The following EPB41L5 variants were observed in gnomAD, a reference collection of about 807,000 sequenced individuals.
EPB41L5 encodes the protein band 4.1-like protein 5.
A neutral mutation model predicts 106.6 loss-of-function variants in EPB41L5; 55 were observed. The observed-to-expected ratio is 0.52, with a 90% CI of 0.42 to 0.65. The LOEUF is 0.65. EPB41L5 is among the 30% of genes least tolerant of loss of function. The pLI is 0.00. For synonymous variants in EPB41L5, 297 were observed against 306.7 expected (o/e 0.97, Z 0.33); for missense variants, 871 against 882.1 (o/e 0.99, Z 0.16).
intron 16 of EPB41L5, among the ~76,000 whole-genome samples, chr2:120,124,770 A>AT (rs771719187): frequency 1.4e-4 from 21 of 151,420 alleles, no homozygotes; most frequent in Middle Eastern, 3.4e-3. Context: ...CCCCCAGCCT[A>AT]TTTTTTTTAC....
chr2:120,130,550 G>A (rs1685647242), intron 17 of EPB41L5, among the ~76,000 whole-genome samples: 1 of 152,198 alleles, frequency 6.6e-6, no homozygotes, highest in South Asian at 2.1e-4. Context: ...GGAGTAATTT[G>A]AAGCATAATA....
intron 16 of EPB41L5, among the ~76,000 whole-genome samples, chr2:120,121,982 G>A (rs1450534890): frequency 5.9e-5 from 9 of 152,142 alleles, no homozygotes; most frequent in Non-Finnish European, 8.8e-5. Flanking sequence ...GTCTTCTTTT[G>A]AGAAGTGTCT....
At chr2:120,075,792 A>C (rs1227790264) in intron 7 of EPB41L5, 39 bp downstream of exon 7, 2 of 1,500,400 alleles carry the variant, frequency 1.3e-6, no homozygotes, top group Non-Finnish European at 1.9e-6. Context: ...ACTCAAGTAT[A>C]ATCTTTTTTG....
At position 120,069,078 on chromosome 2, in the gene EPB41L5, A is replaced by C. The variant is rs949655857; in HGVS notation, c.286-4100A>C. Among the ~76,000 whole-genome samples the C allele has an allele frequency of 2.8e-5, 4 of 143,386 alleles. No individual in the cohort carries two copies. The South Asian group carries it at 9.3e-4, about 33-fold the overall frequency. The allele number at this position is 143,386 out of a possible 152,430, so 94.1% of individuals were successfully genotyped here. A position where few individuals can be genotyped will look rare whatever the true frequency, so the allele number is the denominator to read the frequency against. ...AGGATGCAGAGACTGAGGTGAGCCA[A>C]GATCATGCCATTGCACTCCAGCCTG... is the stretch of plus-strand genomic sequence containing the variant. On this transcript the variant is annotated intron_variant, in intron 3 of 24. Transcript: ENST00000263713.
At chr2:120,117,943 T>C (rs1685025493) in intron 16 of EPB41L5, among the ~76,000 whole-genome samples, 1 of 152,248 alleles carries the variant, frequency 6.6e-6, no homozygotes, top group Non-Finnish European at 1.5e-5. Flanking sequence ...ACTCTGTGTA[T>C]TTAAGCTGCA....
At chr2:120,025,830 A>G (rs1678270080) in intron 2 of EPB41L5, among the ~76,000 whole-genome samples, 1 of 152,220 alleles carries the variant, frequency 6.6e-6, no homozygotes, top group Admixed American at 6.5e-5. Context: ...CTTAATAGCT[A>G]GAACAATATT....
At chr2:120,095,868 C>G (rs905812943) in intron 14 of EPB41L5, among the ~76,000 whole-genome samples, 2 of 152,060 alleles carry the variant, frequency 1.3e-5, no homozygotes, top group Middle Eastern at 3.2e-3. Flanking sequence ...CAGGATTTCA[C>G]CATGTTGGCC....
chr2:120,132,335 T>C (rs1685734530), intron 18 of EPB41L5, among the ~76,000 whole-genome samples: 1 of 152,248 alleles, frequency 6.6e-6, no homozygotes, highest in Non-Finnish European at 1.5e-5. Flanking sequence ...GAGTTGATTT[T>C]AGGTAATGAC....
chr2:120,077,146 T>C, intron 8 of EPB41L5, 55 bp downstream of exon 8: 1 of 1,589,030 alleles, frequency 6.3e-7, no homozygotes, highest in Non-Finnish European at 8.6e-7. Flanking sequence ...TTATTTCATA[T>C]TCATTTTCTT....
At chr2:120,116,788 A>T (rs1392762984) in intron 16 of EPB41L5, among the ~76,000 whole-genome samples, 1 of 152,108 alleles carries the variant, frequency 6.6e-6, no homozygotes, top group Non-Finnish European at 1.5e-5. Flanking sequence ...TCAGCCTCCC[A>T]AAGTGTTGGG....
chr2:120,062,189 C>G (rs1206901947), intron 3 of EPB41L5, among the ~76,000 whole-genome samples: 1 of 152,078 alleles, frequency 6.6e-6, no homozygotes, highest in African/African-American at 2.4e-5. Context: ...GCATTGTATT[C>G]AGGGATTCAA....
At chr2:120,172,415 C>T (rs1441482236) in intron 24 of EPB41L5, among the ~76,000 whole-genome samples, 2 of 152,126 alleles carry the variant, frequency 1.3e-5, no homozygotes, top group African/African-American at 4.8e-5. Flanking sequence ...GGAGTACGTA[C>T]AAAGGATTGG....
intron 18 of EPB41L5, among the ~76,000 whole-genome samples, chr2:120,132,246 A>T (rs1238697997): frequency 6.6e-6 from 1 of 152,196 alleles, no homozygotes; most frequent in African/African-American, 2.4e-5. Context: ...TAACTTATAG[A>T]AAGAGCTAAA....
chr2:120,151,197 G>A (rs1285758656), intron 20 of EPB41L5, among the ~76,000 whole-genome samples: 1 of 152,038 alleles, frequency 6.6e-6, no homozygotes, highest in Admixed American at 6.6e-5. Context: ...CTACTCGGGA[G>A]GCTAAGGCAG....
At chr2:120,128,574 A>T (rs1685559707) in intron 17 of EPB41L5, among the ~76,000 whole-genome samples, 2 of 152,234 alleles carry the variant, frequency 1.3e-5, no homozygotes, top group African/African-American at 2.4e-5. Flanking sequence ...TTAGTAATTT[A>T]GAAATAAATG....
chr2:120,085,241 G>A (rs576783342), intron 10 of EPB41L5, among the ~76,000 whole-genome samples: 3 of 152,152 alleles, frequency 2.0e-5, no homozygotes, highest in South Asian at 2.1e-4. Context: ...TTTTTTCCCC[G>A]TCTTTGTGGT....
chr2:120,105,452 CCAGA>C (rs1440024216), intron 16 of EPB41L5: 12 of 985,142 alleles, frequency 1.2e-5, no homozygotes, highest in Admixed American at 1.2e-4. Context: ...ATCCTTCCTG[CCAGA>C]CAAAGATTAA....
At chr2:120,104,125 CA>C (rs1163318245) in intron 16 of EPB41L5, 3 of 1,536,016 alleles carry the variant, frequency 2.0e-6, no homozygotes, top group Non-Finnish European at 2.6e-6. Flanking sequence ...GCCTTGCCCC[CA>C]CCCCAGACCG....
intron 16 of EPB41L5, among the ~76,000 whole-genome samples, chr2:120,126,232 T>C (rs973380211): frequency 3.3e-5 from 5 of 152,188 alleles, no homozygotes; most frequent in African/African-American, 1.2e-4. Flanking sequence ...GATACATGAT[T>C]TGCAAAAATT....
Sources: allele counts gnomAD v4.1 joint callset (sites outside exome capture counted in the v4.1 genomes callset), GRCh38; gene constraint gnomAD v4.1.1; transcripts MANE v1.5; gene names NCBI Gene and HGNC (gene_info 2026-07-23, HGNC 2026-07-21).